Variants in ZNF678 observed in about 807,000 individuals in gnomAD.
ZNF678 encodes the protein zinc finger protein 678, also known as hypothetical protein MGC42493.
Under a neutral mutation model 3.0 loss-of-function variants are expected in ZNF678, and 5 were observed. The observed-to-expected ratio is 1.69, with a 90% confidence interval of 0.88 to 3.56. ZNF678 has a LOEUF of 3.56. Among genes scored for constraint, ZNF678 ranks in the 30% most tolerant of loss-of-function variants. The probability of loss-of-function intolerance (pLI) is 0.00; values close to 1 mark genes in which losing one functional copy is unlikely to be tolerated. For synonymous variants in ZNF678, 218 were observed against 199.6 expected, an observed-to-expected ratio of 1.09 and a Z score of -0.78; for missense variants, 593 against 605.0, an observed-to-expected ratio of 0.98 and a Z score of 0.21.
intron 1 of ZNF678, among the ~76,000 whole-genome samples, chr1:227,634,998 C>G (rs1374180129): frequency 6.6e-6 from 1 of 151,672 alleles, no homozygotes; most frequent in African/African-American, 2.4e-5. Context: ...ACCCTTCCTC[C>G]AGCTCCAGGC....
chr1:227,626,357 C>T (rs983951772), intron 1 of ZNF678, among the ~76,000 whole-genome samples: 3 of 152,012 alleles, frequency 2.0e-5, no homozygotes, highest in African/African-American at 4.8e-5. Context: ...ATTTTAACCG[C>T]GGTTGGGATA....
intron 1 of ZNF678, chr1:227,598,538 TTTC>T (rs1657652423): frequency 6.3e-6 from 7 of 1,117,734 alleles, no homozygotes; most frequent in Admixed American, 2.5e-5. Context: ...TTTCACTGCT[TTTC>T]TTCTTTTTTG....
intron 1 of ZNF678, among the ~76,000 whole-genome samples, chr1:227,615,644 C>G (rs1020716890): frequency 6.6e-6 from 1 of 152,190 alleles, no homozygotes; most frequent in African/African-American, 2.4e-5. Context: ...AGTGTACTTA[C>G]AGGTTTTTGT....
chr1:227,647,318 G>A (rs1237096183), intron 2 of ZNF678, among the ~76,000 whole-genome samples: 4 of 152,162 alleles, frequency 2.6e-5, no homozygotes, highest in Non-Finnish European at 5.9e-5. Context: ...TATAGTTAAT[G>A]TCAGAAAATA....
intron 1 of ZNF678, among the ~76,000 whole-genome samples, chr1:227,625,005 C>T (rs73094536): frequency 0.011 from 1,633 of 152,276 alleles, 34 homozygotes; most frequent in African/African-American, 0.038. Context: ...GGAAGGGACC[C>T]AAAGGGGGTT....
intron 1 of ZNF678, among the ~76,000 whole-genome samples, chr1:227,574,999 A>G: frequency 6.6e-6 from 1 of 152,120 alleles, no homozygotes; most frequent in East Asian, 1.9e-4. Context: ...ACTGGAGTGC[A>G]GTGGCACCCA....
chr1:227,664,901 C>A (rs1387971148), downstream of ZNF678, among the ~76,000 whole-genome samples: 1 of 152,172 alleles, frequency 6.6e-6, no homozygotes, highest in Non-Finnish European at 1.5e-5. Flanking sequence ...GCAAGCACAG[C>A]CTCTCTCAGT....
intron 1 of ZNF678, among the ~76,000 whole-genome samples, chr1:227,596,548 G>A (rs951719934): frequency 1.6e-4 from 25 of 152,152 alleles, no homozygotes; most frequent in African/African-American, 4.6e-4. Flanking sequence ...GCCTGGTGCC[G>A]GGCTGTCTGC....
chr1:227,641,491 A>C (rs1658820287), intron 1 of ZNF678, among the ~76,000 whole-genome samples: 1 of 152,184 alleles, frequency 6.6e-6, no homozygotes, highest in Non-Finnish European at 1.5e-5. Flanking sequence ...AAAAAGCAAC[A>C]GTTTTCTCTC....
chr1:227,628,816 A>C (rs1353577336), intron 1 of ZNF678, among the ~76,000 whole-genome samples: 7 of 152,226 alleles, frequency 4.6e-5, no homozygotes, highest in Admixed American at 1.3e-4. Flanking sequence ...TCTTGGGCTA[A>C]TACCTGGCCA....
At chr1:227,625,339 T>A (rs1359398711) in intron 1 of ZNF678, among the ~76,000 whole-genome samples, 1 of 152,112 alleles carries the variant, frequency 6.6e-6, no homozygotes, top group Non-Finnish European at 1.5e-5. Context: ...TCGCTCTAAC[T>A]GCTTCCTGCT....
chr1:227,609,067 A>T (rs1324961634), intron 1 of ZNF678, among the ~76,000 whole-genome samples: 2 of 152,356 alleles, frequency 1.3e-5, no homozygotes, highest in East Asian at 3.9e-4. Flanking sequence ...TAAAATTTTT[A>T]AAATATTTAA....
chr1:227,653,708 T>A (rs1013129028), intron 3 of ZNF678, among the ~76,000 whole-genome samples: 12 of 152,092 alleles, frequency 7.9e-5, no homozygotes, highest in Admixed American at 2.0e-4. Context: ...GTGTTTACTG[T>A]TCAGCTAAAG....
At chr1:227,625,925 T>C (rs996514925) in intron 1 of ZNF678, among the ~76,000 whole-genome samples, 4 of 152,144 alleles carry the variant, frequency 2.6e-5, no homozygotes, top group African/African-American at 9.7e-5. Flanking sequence ...TTTGCATGCA[T>C]GCAAAGAGTG....
chr1:227,667,035 G>A (rs981831510), downstream of ZNF678, among the ~76,000 whole-genome samples: 3 of 150,774 alleles, frequency 2.0e-5, no homozygotes, highest in Non-Finnish European at 3.0e-5. Flanking sequence ...GTGAGCTACC[G>A]CACCCGGCCT....
chr1:227,632,584 C>A (rs1347159509), intron 1 of ZNF678, among the ~76,000 whole-genome samples: 1 of 152,066 alleles, frequency 6.6e-6, no homozygotes, highest in Non-Finnish European at 1.5e-5. Flanking sequence ...CCAGGGAGAT[C>A]AACGCTCCCA....
chr1:227,607,389 A>G (rs376821300), intron 1 of ZNF678, among the ~76,000 whole-genome samples: 1 of 152,196 alleles, frequency 6.6e-6, no homozygotes, highest in Non-Finnish European at 1.5e-5. Flanking sequence ...GTCATTTTGC[A>G]TAAGACAAAA....
chr1:227,619,568 G>C (rs1658223597), intron 1 of ZNF678, among the ~76,000 whole-genome samples: 2 of 151,830 alleles, frequency 1.3e-5, no homozygotes, highest in Non-Finnish European at 2.9e-5. Context: ...CTGGAGTGCA[G>C]TGGCATGATC....
At chr1:227,628,669 C>T (rs1200206758) in intron 1 of ZNF678, among the ~76,000 whole-genome samples, 1 of 152,230 alleles carries the variant, frequency 6.6e-6, no homozygotes, top group Non-Finnish European at 1.5e-5. Context: ...GGTTTGGAAA[C>T]CTTGTAGCCA....
Sources: allele counts gnomAD v4.1 joint callset (sites outside exome capture counted in the v4.1 genomes callset), GRCh38; gene constraint gnomAD v4.1.1; transcripts MANE v1.5; gene names NCBI Gene and HGNC (gene_info 2026-07-23, HGNC 2026-07-21).